The following PARD3 variants were observed in gnomAD, a reference collection of about 807,000 sequenced individuals.
The protein encoded by PARD3 is par-3 family cell polarity regulator.
Under a neutral mutation model 155.4 loss-of-function variants are expected in PARD3, and 75 were observed. That is an observed-to-expected ratio of 0.48 (90% CI 0.40 to 0.58). The LOEUF is 0.58. Ranked by LOEUF, PARD3 falls within the 20% of genes least tolerant of loss-of-function variation. The probability of loss-of-function intolerance (pLI) is 0.00; values close to 1 mark genes in which losing one functional copy is unlikely to be tolerated. For missense variants in PARD3, 1,642 were observed against 1,721.7 expected (o/e 0.95, Z 0.82); for synonymous variants, 576 against 610.5 (o/e 0.94, Z 0.83).
At chr10:34,671,495 T>C (rs991205795) in intron 2 of PARD3, among the ~76,000 whole-genome samples, 6 of 152,196 alleles carry the variant, frequency 3.9e-5, no homozygotes, top group South Asian at 4.1e-4. Flanking sequence ...TATTAAAACA[T>C]AGTGGTAAAA....
intron 24 of PARD3, among the ~76,000 whole-genome samples, chr10:34,118,486 A>G (rs1291370221): frequency 6.6e-6 from 1 of 152,200 alleles, no homozygotes; most frequent in Admixed American, 6.5e-5. Context: ...CTGGGATTAC[A>G]GGCATGTGCC....
At chr10:34,514,167 C>G (rs2081567985) in intron 3 of PARD3, among the ~76,000 whole-genome samples, 1 of 152,098 alleles carries the variant, frequency 6.6e-6, no homozygotes, top group Non-Finnish European at 1.5e-5. Context: ...CAACTTCCAC[C>G]AATTCTTTAT....
chr10:34,330,551 G>A (rs987168987), intron 19 of PARD3, among the ~76,000 whole-genome samples: 2 of 151,976 alleles, frequency 1.3e-5, no homozygotes, highest in Non-Finnish European at 2.9e-5. Context: ...GTACTCAATG[G>A]AGACATCCTA....
At chr10:34,767,747 C>T (rs959766303) in intron 1 of PARD3, among the ~76,000 whole-genome samples, 2 of 151,732 alleles carry the variant, frequency 1.3e-5, no homozygotes, top group African/African-American at 2.4e-5. Flanking sequence ...TACAGGCACG[C>T]GCCACCACCC....
chr10:34,376,207 T>C (rs1841220989), intron 10 of PARD3, among the ~76,000 whole-genome samples: 1 of 152,120 alleles, frequency 6.6e-6, no homozygotes, highest in Non-Finnish European at 1.5e-5. Context: ...CATGCAAAAA[T>C]GAAGTTTCCA....
chr10:34,442,315 C>T (rs2076505010), intron 5 of PARD3, among the ~76,000 whole-genome samples: 1 of 152,158 alleles, frequency 6.6e-6, no homozygotes, highest in South Asian at 2.1e-4. Context: ...ACCATGAAGC[C>T]CTATCTATTC....
chr10:34,163,664 A>C (rs1949388552), intron 22 of PARD3, among the ~76,000 whole-genome samples: 1 of 152,300 alleles, frequency 6.6e-6, no homozygotes, highest in East Asian at 1.9e-4. Context: ...TCATACTGCA[A>C]AAGTGGTCAC....
At chr10:34,561,414 A>G (rs557807842) in intron 2 of PARD3, among the ~76,000 whole-genome samples, 1 of 152,324 alleles carries the variant, frequency 6.6e-6, no homozygotes, top group South Asian at 2.1e-4. Context: ...ATCTTTATAC[A>G]AAGTCATATT....
chr10:34,505,870 C>G (rs549851921), intron 3 of PARD3, among the ~76,000 whole-genome samples: 2 of 152,146 alleles, frequency 1.3e-5, no homozygotes, highest in Non-Finnish European at 2.9e-5. Flanking sequence ...TGGTAGCTCA[C>G]GCTTATAATC....
chr10:34,407,815 C>G (rs1160759012), intron 5 of PARD3, among the ~76,000 whole-genome samples: 1 of 148,600 alleles, frequency 6.7e-6, no homozygotes, highest in African/African-American at 2.5e-5. Context: ...GCCTGGGCAA[C>G]AGAGTGAGTC....
intron 20 of PARD3, among the ~76,000 whole-genome samples, chr10:34,298,668 G>A (rs950310786): frequency 2.6e-5 from 4 of 152,126 alleles, no homozygotes; most frequent in African/African-American, 4.8e-5. Context: ...TAATGGTGGC[G>A]GTGAAGTGCA....
intron 13 of PARD3, 106 bp from the exon 14 acceptor site, chr10:34,359,423 A>AT: frequency 1.2e-6 from 1 of 832,374 alleles, no homozygotes; most frequent in East Asian, 2.7e-5. Flanking sequence ...AAAAAAAAAA[A>AT]AAGTGGGGAG....
chr10:34,223,757 G>T (rs990263323), intron 22 of PARD3, among the ~76,000 whole-genome samples: 6 of 152,136 alleles, frequency 3.9e-5, no homozygotes, highest in African/African-American at 1.4e-4. Context: ...CACAAGGTAG[G>T]TCCACCCAGC....
At chr10:34,543,475 G>A (rs12250574) in intron 2 of PARD3, among the ~76,000 whole-genome samples, 4,446 of 152,158 alleles carry the variant, frequency 0.029, 222 homozygotes, top group African/African-American at 0.1. Flanking sequence ...AAACCAAAAC[G>A]CAACTTAAAG....
chr10:34,161,570 C>A (rs1174935001), intron 22 of PARD3, among the ~76,000 whole-genome samples: 1 of 152,118 alleles, frequency 6.6e-6, no homozygotes, highest in African/African-American at 2.4e-5. Context: ...TCTGAAGAAC[C>A]TCTAACTTCA....
intron 9 of PARD3, 149 bp from the exon 10 acceptor site, chr10:34,378,255 A>T: frequency 1.7e-6 from 1 of 587,988 alleles, no homozygotes; most frequent in East Asian, 3.4e-5. Flanking sequence ...GTTGTAATAA[A>T]TTTTTCAAAA....
chr10:34,783,576 C>G (rs1012401341), intron 1 of PARD3, among the ~76,000 whole-genome samples: 1 of 132,152 alleles, frequency 7.6e-6, no homozygotes, highest in African/African-American at 2.8e-5. Flanking sequence ...TGTGCTCCAG[C>G]CTGGGCGACA....
At chr10:34,446,962 T>A (rs528519735) in intron 5 of PARD3, among the ~76,000 whole-genome samples, 1 of 152,306 alleles carries the variant, frequency 6.6e-6, no homozygotes, top group African/African-American at 2.4e-5. Flanking sequence ...GTCAACAAAA[T>A]CATTAATAAT....
At chr10:34,435,656 A>C (rs1048053578) in intron 5 of PARD3, among the ~76,000 whole-genome samples, 8 of 152,214 alleles carry the variant, frequency 5.3e-5, no homozygotes, top group Non-Finnish European at 1.2e-4. Flanking sequence ...TACGTTTGGC[A>C]AGAAGACCAC....
Sources: allele counts gnomAD v4.1 joint callset (sites outside exome capture counted in the v4.1 genomes callset), GRCh38; gene constraint gnomAD v4.1.1; transcripts MANE v1.5; gene names NCBI Gene and HGNC (gene_info 2026-07-23, HGNC 2026-07-21).